Variants in LIPA observed in about 807,000 individuals in gnomAD.
The protein encoded by LIPA is lipase A, lysosomal acid type.
Under a neutral mutation model 40.6 loss-of-function variants are expected in LIPA, and 26 were observed. That is an observed-to-expected ratio of 0.64 (90% CI 0.47 to 0.89). LIPA has a LOEUF of 0.89. Ranked by LOEUF, LIPA falls within the 40% of genes least tolerant of loss-of-function variation. The pLI, the probability that LIPA is intolerant of heterozygous loss-of-function variation, is 0.00. For missense variants in LIPA, 455 were observed against 479.6 expected (o/e 0.95, Z 0.48); for synonymous variants, 188 against 168.4 (o/e 1.12, Z -0.90).
intron 1 of LIPA, among the ~76,000 whole-genome samples, chr10:89,310,480 A>G (rs769217149): frequency 2.1e-4 from 32 of 152,176 alleles, no homozygotes; most frequent in Non-Finnish European, 4.0e-4. Flanking sequence ...GCAGTTTGCA[A>G]CCTACATTTG....
At chr10:89,351,193 G>A (rs1200243070) in intron 2 of LIPA, among the ~76,000 whole-genome samples, 1 of 152,158 alleles carries the variant, frequency 6.6e-6, no homozygotes, top group African/African-American at 2.4e-5. Flanking sequence ...GCACATGCCT[G>A]TAGTCCCAGC....
At chr10:89,283,358 G>A (rs985316232) in intron 1 of LIPA, among the ~76,000 whole-genome samples, 2 of 152,158 alleles carry the variant, frequency 1.3e-5, no homozygotes, top group Non-Finnish European at 2.9e-5. Context: ...ACTCTGGCTC[G>A]GAAGTCTGCC....
chr10:89,289,571 C>T (rs929197771), intron 1 of LIPA, among the ~76,000 whole-genome samples: 26 of 152,258 alleles, frequency 1.7e-4, no homozygotes, highest in Admixed American at 1.3e-3. Context: ...TCATTTCTTC[C>T]CTTCTGTGAG....
chr10:89,336,790 A>C (rs1045083124), intron 1 of LIPA, among the ~76,000 whole-genome samples: 1 of 152,212 alleles, frequency 6.6e-6, no homozygotes, highest in African/African-American at 2.4e-5. Context: ...AAATCCAAAA[A>C]TAAGGACACT....
intron 1 of LIPA, among the ~76,000 whole-genome samples, chr10:89,304,875 T>G (rs946472656): frequency 6.6e-6 from 1 of 151,824 alleles, no homozygotes; most frequent in African/African-American, 2.4e-5. Flanking sequence ...AAGGGTACCC[T>G]AAAGAAAAAA....
chr10:89,250,107 C>CTTTCTTTTTTTTTTTTTTTT (rs573748456), intron 1 of LIPA, among the ~76,000 whole-genome samples: 1 of 96,076 alleles, frequency 1.0e-5, no homozygotes, highest in Non-Finnish European at 1.9e-5. Context: ...TCTTTTCTTT[C>CTTTCTTTTTTTTTTTTTTTT]TTTTTTTTTT....
chr10:89,394,785 A>G (rs1204059175), intron 2 of LIPA, among the ~76,000 whole-genome samples: 1 of 151,900 alleles, frequency 6.6e-6, no homozygotes, highest in African/African-American at 2.4e-5. Flanking sequence ...TATCTAGTTC[A>G]AGAACATTTT....
At chr10:89,385,495 C>G (rs1423574445) in intron 2 of LIPA, among the ~76,000 whole-genome samples, 1 of 152,188 alleles carries the variant, frequency 6.6e-6, no homozygotes, top group Non-Finnish European at 1.5e-5. Flanking sequence ...TTGGAATGAG[C>G]AGTTTTCATC....
intron 2 of LIPA, among the ~76,000 whole-genome samples, chr10:89,387,664 A>G (rs1364448416): frequency 6.6e-6 from 1 of 152,228 alleles, no homozygotes; most frequent in Non-Finnish European, 1.5e-5. Flanking sequence ...GCCTAATTAT[A>G]AAACCAAATT....
intron 2 of LIPA, chr10:89,362,704 G>A (rs570222304): frequency 1.0e-5 from 7 of 687,974 alleles, no homozygotes; most frequent in Non-Finnish European, 1.6e-5. Flanking sequence ...AATGCTTCCC[G>A]CTATAGAATG....
intron 2 of LIPA, among the ~76,000 whole-genome samples, chr10:89,357,500 C>T (rs1329533896): frequency 6.6e-6 from 1 of 152,238 alleles, no homozygotes; most frequent in Non-Finnish European, 1.5e-5. Context: ...TCTAACTCTT[C>T]TATTATGCTT....
intron 2 of LIPA, among the ~76,000 whole-genome samples, chr10:89,389,278 T>A (rs1394003593): frequency 1.3e-5 from 2 of 152,252 alleles, no homozygotes; most frequent in Non-Finnish European, 2.9e-5. Context: ...GATTGATCGA[T>A]TCAGTCAAGC....
chr10:89,314,073 A>T (rs1843529792), intron 1 of LIPA, among the ~76,000 whole-genome samples: 1 of 152,242 alleles, frequency 6.6e-6, no homozygotes, highest in African/African-American at 2.4e-5. Context: ...ATAATAAAGA[A>T]AATTTTTCTT....
At chr10:89,233,524 G>A (rs947998103) in intron 3 of LIPA, among the ~76,000 whole-genome samples, 8 of 152,170 alleles carry the variant, frequency 5.3e-5, no homozygotes, top group Non-Finnish European at 7.4e-5. Flanking sequence ...ATTACGTTTC[G>A]TGCAAACCTT....
chr10:89,232,447 G>C (rs951647), intron 3 of LIPA, among the ~76,000 whole-genome samples: 57,054 of 152,134 alleles, frequency 0.38, 11,221 homozygotes, highest in Non-Finnish European at 0.44. Context: ...GAGAGTCAGA[G>C]AGAGGCAAGA....
intron 2 of LIPA, among the ~76,000 whole-genome samples, chr10:89,348,958 CT>C (rs1447607044): frequency 1.3e-5 from 2 of 152,156 alleles, no homozygotes; most frequent in Non-Finnish European, 2.9e-5. Context: ...ATTAGTAATC[CT>C]TTTCTGGGGT....
chr10:89,239,114 TC>T (rs1842937760), intron 3 of LIPA, among the ~76,000 whole-genome samples: 1 of 152,206 alleles, frequency 6.6e-6, no homozygotes, highest in African/African-American at 2.4e-5. Flanking sequence ...ACGCATTATC[TC>T]AGATAAGTCA....
chr10:89,261,610 C>T (rs1222368542), intron 1 of LIPA, among the ~76,000 whole-genome samples: 1 of 152,184 alleles, frequency 6.6e-6, no homozygotes, highest in Non-Finnish European at 1.5e-5. Context: ...AATGCTGGCT[C>T]TTGATTACAA....
chr10:89,293,741 T>C (rs1238096385), intron 1 of LIPA: 1 of 151,930 alleles, frequency 6.6e-6, no homozygotes, highest in Non-Finnish European at 1.5e-5. Context: ...CTTTTTCTTC[T>C]TGTTTGTATG....
Sources: allele counts gnomAD v4.1 joint callset (sites outside exome capture counted in the v4.1 genomes callset), GRCh38; gene constraint gnomAD v4.1.1; transcripts MANE v1.5; gene names NCBI Gene and HGNC (gene_info 2026-07-23, HGNC 2026-07-21).